The following COX7B2 variants were observed in gnomAD, a reference collection of about 807,000 sequenced individuals.
COX7B2 encodes cytochrome c oxidase subunit 7B2, also known as cytochrome c oxidase subunit 7B2, mitochondrial.
For missense variants in COX7B2, 109 were observed against 95.9 expected (o/e 1.14, Z -0.57); for synonymous variants, 37 against 32.1 (o/e 1.15, Z -0.51).
intron 1 of COX7B2, among the ~76,000 whole-genome samples, chr4:46,902,053 AT>A (rs1300000155): frequency 1.3e-5 from 2 of 152,178 alleles, no homozygotes; most frequent in Non-Finnish European, 2.9e-5. Flanking sequence ...ATCTCTATAT[AT>A]CCTATTAGCT....
At chr4:46,864,707 C>T (rs1339971073) in intron 1 of COX7B2, among the ~76,000 whole-genome samples, 1 of 151,880 alleles carries the variant, frequency 6.6e-6, no homozygotes, top group Non-Finnish European at 1.5e-5. Flanking sequence ...TGCAGTGGCG[C>T]GATCTAGGCT....
At chr4:46,855,594 A>G (rs1322204740) in intron 1 of COX7B2, among the ~76,000 whole-genome samples, 1 of 152,116 alleles carries the variant, frequency 6.6e-6, no homozygotes, top group African/African-American at 2.4e-5. Flanking sequence ...CTATCCATGT[A>G]TATTGTGATA....
intron 2 of COX7B2, among the ~76,000 whole-genome samples, chr4:46,741,134 C>A (rs1714679212): frequency 1.3e-5 from 2 of 152,026 alleles, no homozygotes; most frequent in Non-Finnish European, 2.9e-5. Flanking sequence ...ACCCACTTAG[C>A]TTCGATATAG....
At chr4:46,897,059 C>G (rs185725597) in intron 1 of COX7B2, among the ~76,000 whole-genome samples, 1 of 152,202 alleles carries the variant, frequency 6.6e-6, no homozygotes, top group East Asian at 1.9e-4. Flanking sequence ...AAATAGTATA[C>G]CCATTAAAAT....
At chr4:46,846,550 G>A (rs1716291015) in intron 1 of COX7B2, among the ~76,000 whole-genome samples, 1 of 151,990 alleles carries the variant, frequency 6.6e-6, no homozygotes, top group African/African-American at 2.4e-5. Context: ...GTCTTCTGGG[G>A]GAAGAGTGTT....
At chr4:46,803,728 C>T (rs1718794783) in intron 2 of COX7B2, among the ~76,000 whole-genome samples, 1 of 124,812 alleles carries the variant, frequency 8.0e-6, no homozygotes, top group African/African-American at 3.0e-5. Context: ...GCCTGGTTTA[C>T]TTTCTTTTTT....
chr4:46,870,539 A>T (rs895180845), intron 1 of COX7B2, among the ~76,000 whole-genome samples: 2 of 152,182 alleles, frequency 1.3e-5, no homozygotes, highest in Non-Finnish European at 2.9e-5. Flanking sequence ...GAGGAAGTCA[A>T]ACTATCTCCG....
Position 46,735,215 on chromosome 4 carries a change from C to T in COX7B2, c.-23G>A, listed in dbSNP as rs1714292661. On this transcript the variant is annotated 5_prime_UTR_variant, in exon 3 of 3. Transcript: ENST00000355591. Reference sequence around the variant, plus strand: ...CATGAAGGATTGCAGTTGCCTTCAGCTACTGGTCTATTTTGTTGCAAAGAG... The same window carrying T: ...CATGAAGGATTGCAGTTGCCTTCAGTTACTGGTCTATTTTGTTGCAAAGAG... 6.2e-7 allele frequency: 1 copy of T among 1,612,064 alleles called. No individual in the cohort carries two copies.
In COX7B2 at chr4:46,782,657, G is replaced by A. The variant is rs184058087; in HGVS notation, c.-49-47416C>T. ...GCTGCTGCTCACTCTTTGGGTCTGC[G>A]CCACTTTTAAGAGCTGTAACACTCA... is the stretch of plus-strand genomic sequence containing the variant. On this transcript the variant is annotated intron_variant, in intron 2 of 2. Coordinates refer to ENST00000355591, the MANE Select transcript of COX7B2 (RefSeq NM_130902.3). 1.2e-3 allele frequency among the ~76,000 whole-genome samples: 186 copies of A among 152,186 alleles called. 1 individual carries two copies. Among genetic ancestry groups the A allele is most frequent in the African/African-American group, 4.2e-3 (174 of 41,516 alleles).
chr4:46,861,141 T>C (rs747877792), intron 1 of COX7B2, among the ~76,000 whole-genome samples: 1 of 152,140 alleles, frequency 6.6e-6, no homozygotes, highest in Non-Finnish European at 1.5e-5. Flanking sequence ...AGTCCCTCTC[T>C]AGGGGGTTCT....
At chr4:46,879,180 T>C (rs1225174040) in intron 1 of COX7B2, among the ~76,000 whole-genome samples, 1 of 152,102 alleles carries the variant, frequency 6.6e-6, no homozygotes, top group Non-Finnish European at 1.5e-5. Context: ...CGAAGTACAA[T>C]GGCATGATCA....
At chr4:46,893,074 T>C (rs1577707154) in intron 1 of COX7B2, among the ~76,000 whole-genome samples, 1 of 152,204 alleles carries the variant, frequency 6.6e-6, no homozygotes, top group East Asian at 1.9e-4. Context: ...CTTTCCTTTA[T>C]AAATTACCCA....
chr4:46,906,860 C>T (rs1261982284), intron 1 of COX7B2, among the ~76,000 whole-genome samples: 1 of 152,136 alleles, frequency 6.6e-6, no homozygotes, highest in Non-Finnish European at 1.5e-5. Flanking sequence ...CCAATATGCC[C>T]CTCTTGCTTG....
intron 2 of COX7B2, among the ~76,000 whole-genome samples, chr4:46,760,334 A>T (rs920076803): frequency 6.6e-6 from 1 of 152,188 alleles, no homozygotes; most frequent in Non-Finnish European, 1.5e-5. Flanking sequence ...TAGACTGGAT[A>T]AAGAAAATGT....
chr4:46,870,975 A>G (rs1717954737), intron 1 of COX7B2, among the ~76,000 whole-genome samples: 1 of 151,940 alleles, frequency 6.6e-6, no homozygotes, highest in Non-Finnish European at 1.5e-5. Flanking sequence ...TCACAGAACT[A>G]GAAAAAAAAA....
intron 2 of COX7B2, among the ~76,000 whole-genome samples, chr4:46,754,884 T>C (rs1715682367): frequency 6.6e-6 from 1 of 150,862 alleles, no homozygotes; most frequent in Non-Finnish European, 1.5e-5. Context: ...CTAATACCAA[T>C]CCTACTGAAG....
chr4:46,765,246 T>C (rs971908797), intron 2 of COX7B2, among the ~76,000 whole-genome samples: 1 of 151,554 alleles, frequency 6.6e-6, no homozygotes, highest in African/African-American at 2.4e-5. Context: ...CTGAAGAGAG[T>C]AGGAAAAACA....
At chr4:46,755,865 T>C (rs141599615) in intron 2 of COX7B2, among the ~76,000 whole-genome samples, 1 of 152,176 alleles carries the variant, frequency 6.6e-6, no homozygotes, top group African/African-American at 2.4e-5. Context: ...AGAATCAAAA[T>C]TGTTAAAATT....
intron 1 of COX7B2, among the ~76,000 whole-genome samples, chr4:46,870,765 G>A (rs1023428266): frequency 6.6e-6 from 1 of 151,942 alleles, no homozygotes; most frequent in African/African-American, 2.4e-5. Flanking sequence ...AAAATATCTA[G>A]AAATACAGCT....
Sources: gnomAD v4.1 joint callset for allele counts (sites outside exome capture counted in the v4.1 genomes callset) on GRCh38, gnomAD v4.1.1 for gene constraint, MANE v1.5 for transcripts, NCBI Gene and HGNC (gene_info 2026-07-23, HGNC 2026-07-21) for gene names.